The following MAP3K20 variants were observed in gnomAD, a reference collection of about 807,000 sequenced individuals.
MAP3K20 encodes mitogen-activated protein kinase kinase kinase 20, also known as HCCS-4.
A neutral mutation model predicts 85.7 loss-of-function variants in MAP3K20; 40 were observed. The observed-to-expected ratio is 0.47, with a 90% CI of 0.36 to 0.61. MAP3K20 has a LOEUF of 0.61. Among genes scored for constraint, MAP3K20 ranks in the 20% least tolerant of loss-of-function variants. The pLI is 0.00. For synonymous variants in MAP3K20, 325 were observed against 327.7 expected, an observed-to-expected ratio of 0.99 and a Z score of 0.09; for missense variants, 817 against 961.7, an observed-to-expected ratio of 0.85 and a Z score of 1.99.
At chr2:173,102,459 T>C (rs1009411569) in intron 2 of MAP3K20, among the ~76,000 whole-genome samples, 2 of 152,222 alleles carry the variant, frequency 1.3e-5, no homozygotes, top group African/African-American at 4.8e-5. Context: ...CCAAGATGCT[T>C]TTTCTTAGCC....
chr2:173,108,695 A>G (rs1484257320), intron 2 of MAP3K20, among the ~76,000 whole-genome samples: 1 of 152,230 alleles, frequency 6.6e-6, no homozygotes, highest in Admixed American at 6.5e-5. Flanking sequence ...TCCAGAAGAC[A>G]GTTTGAAAGA....
chr2:173,157,356 A>G (rs887488895), intron 2 of MAP3K20, among the ~76,000 whole-genome samples: 1 of 151,630 alleles, frequency 6.6e-6, no homozygotes, highest in African/African-American at 2.4e-5. Flanking sequence ...TAAAACTAAA[A>G]CTATCTGCCA....
intron 2 of MAP3K20, among the ~76,000 whole-genome samples, chr2:173,096,823 G>GT (rs1687475760): frequency 6.6e-6 from 1 of 152,208 alleles, no homozygotes; most frequent in Admixed American, 6.5e-5. Context: ...ATTTATTTCT[G>GT]TTTTAAATAG....
chr2:173,121,548 G>A lies in MAP3K20; in HGVS notation c.159+30358G>A, dbSNP rs191003631. 1.7e-3 allele frequency among the ~76,000 whole-genome samples: 258 copies of A among 152,010 alleles called. 2 individuals are homozygous for A. The highest frequency in any genetic ancestry group is 5.9e-3 in the African/African-American group (246 of 41,460). ...ACTACAGGCGCCCGCCACCACGCCCGGCTAATTTTTTTGTATTTTTAGTAG... is the reference window on the plus strand; with the variant it reads ...ACTACAGGCGCCCGCCACCACGCCCAGCTAATTTTTTTGTATTTTTAGTAG... On this transcript the variant is annotated intron_variant, in intron 2 of 19. Coordinates refer to ENST00000375213, the MANE Select transcript of MAP3K20 (RefSeq NM_016653.3).
chr2:173,183,651 CAG>C (rs1352078220), intron 4 of MAP3K20, among the ~76,000 whole-genome samples: 1 of 151,696 alleles, frequency 6.6e-6, no homozygotes, highest in African/African-American at 2.4e-5. Flanking sequence ...TTATAACTGT[CAG>C]AGTTGCTTTG....
chr2:173,222,377 T>A (rs1403226958), intron 11 of MAP3K20: 1 of 985,744 alleles, frequency 1.0e-6, no homozygotes, highest in Non-Finnish European at 1.2e-6. Flanking sequence ...CAGTAATGTA[T>A]TTGAAGGAAA....
rs1482614569 is a variant in MAP3K20, at chr2:173,169,831, C to T, written c.186C>T (p.His62=). The change falls in exon 3 of 20, where the codon CAC becomes CAT. Residue 62 remains histidine, a synonymous_variant. Transcript: ENST00000375213. The stretch of plus-strand genomic sequence containing the variant: ...CAGAAATACTCAGTGTCCTCAGTCA[C>T]AGAAACATCATCCAGTTTTATGGAG... ...KEAEILSVLS[H]RNIIQFYGVI... The T allele has an allele frequency of 1.2e-6, 2 of 1,613,934 alleles. No individual in the cohort carries two copies. The highest frequency in any genetic ancestry group is 1.7e-5 in the Admixed American group (1 of 59,962).
intron 2 of MAP3K20, among the ~76,000 whole-genome samples, chr2:173,107,295 C>T (rs918659762): frequency 2.0e-5 from 3 of 152,062 alleles, no homozygotes; most frequent in African/African-American, 7.2e-5. Flanking sequence ...CCGGGGAGGG[C>T]CAGGCTCTGG....
At chr2:173,100,732 G>A (rs1687614180) in intron 2 of MAP3K20, among the ~76,000 whole-genome samples, 1 of 152,084 alleles carries the variant, frequency 6.6e-6, no homozygotes, top group African/African-American at 2.4e-5. Flanking sequence ...TTTTAGACTG[G>A]CATGCCATTT....
chr2:173,211,699 C>T (rs931730713), intron 10 of MAP3K20: 28 of 152,302 alleles, frequency 1.8e-4, no homozygotes, highest in African/African-American at 6.3e-4. Flanking sequence ...GGTGGATCAA[C>T]GTCAGGAGAT....
At chr2:173,216,967 T>A in intron 10 of MAP3K20, 148 bp from the exon 11 acceptor site, 1 of 757,568 alleles carries the variant, frequency 1.3e-6, no homozygotes, top group Non-Finnish European at 1.9e-6. Context: ...TTTAAGGACA[T>A]GAAAGATTCC....
chr2:173,250,837 T>C (rs1685026297), intron 16 of MAP3K20, among the ~76,000 whole-genome samples: 2 of 152,172 alleles, frequency 1.3e-5, no homozygotes, highest in South Asian at 4.1e-4. Context: ...ACAAATCTCA[T>C]GGGACAAAGC....
intron 2 of MAP3K20, among the ~76,000 whole-genome samples, chr2:173,104,217 A>G (rs937404083): frequency 6.6e-6 from 1 of 152,186 alleles, no homozygotes; most frequent in African/African-American, 2.4e-5. Flanking sequence ...GGCTAACAAC[A>G]CTAGTAATTA....
At chr2:173,131,341 G>A (rs567654307) in intron 2 of MAP3K20, among the ~76,000 whole-genome samples, 75 of 152,326 alleles carry the variant, frequency 4.9e-4, no homozygotes, top group African/African-American at 1.8e-3. Context: ...ATGCCACAGT[G>A]TACCAGTTCT....
chr2:173,187,002 G>GT (rs1207480987), intron 4 of MAP3K20, among the ~76,000 whole-genome samples: 1 of 151,966 alleles, frequency 6.6e-6, no homozygotes, highest in Admixed American at 6.6e-5. Flanking sequence ...TTTACCAACC[G>GT]TAACTAATCA....
chr2:173,129,394 C>G (rs1688542840), intron 2 of MAP3K20, among the ~76,000 whole-genome samples: 1 of 152,058 alleles, frequency 6.6e-6, no homozygotes, highest in African/African-American at 2.4e-5. Flanking sequence ...ATCTAAGATG[C>G]CTTTGGTTTA....
intron 18 of MAP3K20, among the ~76,000 whole-genome samples, chr2:173,262,300 T>C (rs574436715): frequency 1.8e-4 from 27 of 152,242 alleles, no homozygotes; most frequent in African/African-American, 6.5e-4. Flanking sequence ...CTTTTCAATA[T>C]TAGAAATACA....
chr2:173,243,289 T>C (rs1469937941), intron 16 of MAP3K20, among the ~76,000 whole-genome samples: 2 of 152,154 alleles, frequency 1.3e-5, no homozygotes, highest in African/African-American at 4.8e-5. Flanking sequence ...TGAAGTCTTC[T>C]TGGTAGAAGT....
At chr2:173,248,231 C>T (rs544850179) in intron 16 of MAP3K20, among the ~76,000 whole-genome samples, 1 of 152,056 alleles carries the variant, frequency 6.6e-6, no homozygotes, top group Non-Finnish European at 1.5e-5. Flanking sequence ...TTCTCAGTTT[C>T]GTCACACATT....
Sources: gnomAD v4.1 joint callset for allele counts (sites outside exome capture counted in the v4.1 genomes callset) on GRCh38, gnomAD v4.1.1 for gene constraint, MANE v1.5 for transcripts, NCBI Gene and HGNC (gene_info 2026-07-23, HGNC 2026-07-21) for gene names.